Variants in CYB5A observed in about 807,000 individuals in gnomAD.
The protein encoded by CYB5A is cytochrome b5 type A, also known as cytochrome b5.
In CYB5A, 10 loss-of-function variants were observed where a neutral mutation model predicts 16.2. The observed-to-expected ratio is 0.62, with a 90% CI of 0.38 to 1.04. CYB5A has a LOEUF of 1.04. Ranked by LOEUF, CYB5A falls within the 50% of genes least tolerant of loss-of-function variation. The pLI is 0.01. For missense variants in CYB5A, 161 were observed against 165.9 expected, an observed-to-expected ratio of 0.97 and a Z score of 0.16; for synonymous variants, 62 against 57.0, an observed-to-expected ratio of 1.09 and a Z score of -0.40.
chr18:74,253,653 G>A lies in CYB5A; in HGVS notation c.336C>T (p.Asn112=). 1 of 1,612,708 alleles carries A rather than the reference G, an allele frequency of 6.2e-7. No individual in the cohort carries two copies. Among genetic ancestry groups the A allele is most frequent in the Non-Finnish European group, 8.5e-7 (1 of 1,178,938 alleles). ...TIDSSSSWWT[N]WVIPAISAVA... ...CTGCAGAGATGGCAGGGATCACCCA[G>A]TTGGTCCACCAACTAGAAAGACACA... The change falls in exon 5 of 5, where the codon AAC becomes AAT. Residue 112 remains asparagine, a synonymous_variant. Coordinates refer to ENST00000340533, the MANE Select transcript of CYB5A (RefSeq NM_148923.4).
At chr18:74,271,768 A>G (rs1462465424) in intron 1 of CYB5A, among the ~76,000 whole-genome samples, 1 of 152,186 alleles carries the variant, frequency 6.6e-6, no homozygotes, top group Non-Finnish European at 1.5e-5. Flanking sequence ...TGTGCAAACT[A>G]TCTCCAGAAC....
chr18:74,261,570 G>A (rs1343936766), intron 2 of CYB5A: 4 of 153,130 alleles, frequency 2.6e-5, no homozygotes, highest in African/African-American at 9.6e-5. Context: ...CCTTTGTGAA[G>A]TATGGGATGA....
At chr18:74,266,006 A>C (rs974727075) in intron 1 of CYB5A, among the ~76,000 whole-genome samples, 1 of 152,208 alleles carries the variant, frequency 6.6e-6, no homozygotes, top group Admixed American at 6.5e-5. Context: ...GGACTTTGAC[A>C]TGGCTACATG....
At chr18:74,285,407 G>A (rs777596288) in intron 1 of CYB5A, among the ~76,000 whole-genome samples, 2 of 152,188 alleles carry the variant, frequency 1.3e-5, no homozygotes, top group African/African-American at 2.4e-5. Context: ...ACTTTTAAGA[G>A]AATTTATAAG....
At chr18:74,281,823 T>G (rs1391735789) in intron 1 of CYB5A, among the ~76,000 whole-genome samples, 10 of 133,094 alleles carry the variant, frequency 7.5e-5, no homozygotes, top group South Asian at 4.6e-4. Context: ...GAGAGGAGGG[T>G]GTGTGTGTGT....
rs189457915 is a variant in CYB5A at position 74,267,180 on chromosome 18, G to A, written c.130-3703C>T. ...ACATCACTTTTTTTTTTTTTGAGAC[G>A]GAGTCTCGCTGTGTCACCCAGGCTG... On this transcript the variant is annotated intron_variant, in intron 1 of 4. Coordinates refer to ENST00000340533, the MANE Select transcript of CYB5A (RefSeq NM_148923.4). Among the ~76,000 whole-genome samples the A allele has an allele frequency of 8.4e-3, 1,255 of 150,276 alleles. 5 individuals carry two copies. The highest frequency in any genetic ancestry group is 0.036 in the South Asian group (173 of 4,760).
rs188885852 is a variant in CYB5A, at chr18:74,254,644, C to T, written c.324-979G>A. ...ACACCATTCTCCTGCCTCAGCCTCC[C>T]GAGTAGCTGGAACTACAGGCGCCCG... On this transcript the variant is annotated intron_variant, in intron 4 of 4. Transcript: ENST00000340533. Among the ~76,000 whole-genome samples the T allele has an allele frequency of 0.014, 2,059 of 151,882 alleles. 100 individuals are homozygous for T. In the East Asian group the frequency reaches 0.18, roughly 13 times the overall value.
intron 1 of CYB5A, among the ~76,000 whole-genome samples, chr18:74,279,757 G>C (rs930081315): frequency 6.6e-6 from 1 of 151,954 alleles, no homozygotes; most frequent in Non-Finnish European, 1.5e-5. Flanking sequence ...AATAAAATAA[G>C]GTATCAGAAA....
At chr18:74,254,684 T>C (rs1981903533) in intron 4 of CYB5A, among the ~76,000 whole-genome samples, 1 of 151,790 alleles carries the variant, frequency 6.6e-6, no homozygotes, top group Non-Finnish European at 1.5e-5. Context: ...CATGCCCGGC[T>C]AATTTTTTTG....
rs1599240906 is a variant in CYB5A, at chr18:74,251,617, G to A, written c.*1967C>T. ...AGATGTTTTCCTTTCACAAGCAGCA[G>A]ATGAAAAGAAAGGGCAGCCTCTGAA... is the stretch of plus-strand genomic sequence containing the variant. On this transcript the variant is annotated 3_prime_UTR_variant, in exon 5 of 5. Coordinates refer to ENST00000340533, the MANE Select transcript of CYB5A (RefSeq NM_148923.4). The A allele has an allele frequency of 6.6e-6, 1 of 152,200 alleles. No individual in the cohort carries two copies. The highest frequency in any genetic ancestry group is 2.1e-4 in the South Asian group (1 of 4,832). 9.4% of individuals were successfully genotyped at this position (152,200 alleles called of 1,614,324 possible).
At chr18:74,271,634 C>T (rs1982672069) in intron 1 of CYB5A, among the ~76,000 whole-genome samples, 1 of 151,348 alleles carries the variant, frequency 6.6e-6, no homozygotes, top group African/African-American at 2.4e-5. Context: ...TATCCATCAC[C>T]TCATGTACTT....
At chr18:74,253,805 T>G in intron 4 of CYB5A, 140 bp from the exon 5 acceptor site, 1 of 669,844 alleles carries the variant, frequency 1.5e-6, no homozygotes, top group Non-Finnish European at 2.8e-6. Flanking sequence ...GCAACGTGGA[T>G]TTGCTAAAAG....
chr18:74,281,763 G>GTGTGTGTGTGTGTGTGTT (rs960400983), intron 1 of CYB5A, among the ~76,000 whole-genome samples: 49 of 150,754 alleles, frequency 3.3e-4, no homozygotes, highest in African/African-American at 1.2e-3. Flanking sequence ...GTGTGTGTGT[G>GTGTGTGTGTGTGTGTGTT]TGTGTATGTG....
chr18:74,284,785 T>G (rs531101023), intron 1 of CYB5A, among the ~76,000 whole-genome samples: 2 of 152,326 alleles, frequency 1.3e-5, no homozygotes, highest in East Asian at 3.9e-4. Context: ...CCAGCGTCAG[T>G]GCTGGTTCAG....
intron 3 of CYB5A, chr18:74,258,827 T>C (rs529101231): frequency 3.3e-5 from 5 of 152,214 alleles, no homozygotes; most frequent in Non-Finnish European, 7.3e-5. Flanking sequence ...AGTTAATCTG[T>C]AAAATCTCTG....
chr18:74,277,844 T>C (rs1265128381), intron 1 of CYB5A, among the ~76,000 whole-genome samples: 2 of 152,286 alleles, frequency 1.3e-5, no homozygotes, highest in Admixed American at 6.5e-5. Flanking sequence ...GGTAACTTTA[T>C]ATGGCTCAGG....
intron 2 of CYB5A, among the ~76,000 whole-genome samples, 174 bp downstream of exon 2, chr18:74,263,175 A>G (rs923909795): frequency 6.6e-6 from 1 of 151,856 alleles, no homozygotes; most frequent in Non-Finnish European, 1.5e-5. Flanking sequence ...GCAACAGTGA[A>G]ATGCAAAGAC....
At position 74,264,160 on chromosome 18, in the gene CYB5A, G is replaced by C. The variant is rs147509873; in HGVS notation, c.130-683C>G. ...CAGGAGGCCGAGGTTGCAGTGAGCT[G>C]AGATTGCGCCACTGCACTCCAGCCT... On this transcript the variant is annotated intron_variant, in intron 1 of 4. Transcript: ENST00000340533. Among the ~76,000 whole-genome samples the C allele has an allele frequency of 5.5e-3, 828 of 151,440 alleles. 6 individuals are homozygous for C. Among genetic ancestry groups the C allele is most frequent in the African/African-American group, 0.019 (779 of 41,050 alleles).
rs979081535 is a variant in CYB5A at position 74,253,405 on chromosome 18, T to G, written c.*179A>C. 1 of 535,174 alleles carries G rather than the reference T, an allele frequency of 1.9e-6. No homozygotes were observed. The highest frequency in any genetic ancestry group is 3.4e-6 in the Non-Finnish European group (1 of 294,114). 33.2% of individuals were successfully genotyped at this position (535,174 alleles called of 1,614,324 possible). A position where few individuals can be genotyped will look rare whatever the true frequency, so the allele number is the denominator to read the frequency against. ...TGAATAAAAAGGCACACTCGAAAAA[T>G]TTGAGCGCAGAAAGGACAGTTCTTT... On this transcript the variant is annotated 3_prime_UTR_variant, in exon 5 of 5. Coordinates refer to ENST00000340533, the MANE Select transcript of CYB5A (RefSeq NM_148923.4).
Sources: gnomAD v4.1 joint callset for allele counts (sites outside exome capture counted in the v4.1 genomes callset) on GRCh38, gnomAD v4.1.1 for gene constraint, MANE v1.5 for transcripts, NCBI Gene and HGNC (gene_info 2026-07-23, HGNC 2026-07-21) for gene names.